TENM4: variants seen among roughly 807,000 people sequenced by gnomAD.
The protein encoded by TENM4 is teneurin transmembrane protein 4, also known as teneurin-4.
TENM4 carries 82 observed loss-of-function variants against 243.3 expected under a neutral mutation model. The observed-to-expected ratio is 0.34, with a 90% CI of 0.28 to 0.40. The LOEUF is 0.40. Ranked by LOEUF, TENM4 falls within the 10% of genes least tolerant of loss-of-function variation. The pLI is 1.00. For missense variants in TENM4, 3,138 were observed against 3,673.3 expected (o/e 0.85, Z 3.77); for synonymous variants, 1,412 against 1,456.3 (o/e 0.97, Z 0.69).
intron 8 of TENM4, 97 bp downstream of exon 8, chr11:78,891,134 TCACCTCC>T (rs1336071993): frequency 8.6e-6 from 9 of 1,044,118 alleles, no homozygotes; most frequent in Non-Finnish European, 1.3e-5. Context: ...GCCACATGGA[TCACCTCC>T]CCCAGAAGAT....
At chr11:78,963,733 T>C (rs1257340224) in intron 6 of TENM4, among the ~76,000 whole-genome samples, 3 of 440 alleles carry the variant, frequency 6.8e-3, no homozygotes, top group Non-Finnish European at 0.045. Flanking sequence ...TTCCATGACT[T>C]TTTTTTTTTT....
chr11:78,961,242 T>G (rs1229058615), intron 6 of TENM4, among the ~76,000 whole-genome samples: 1 of 152,222 alleles, frequency 6.6e-6, no homozygotes. Context: ...ATTTCCTCTC[T>G]TCTCCAAACA....
chr11:78,876,387 T>C (rs1412601818), intron 9 of TENM4, among the ~76,000 whole-genome samples: 1 of 152,214 alleles, frequency 6.6e-6, no homozygotes, highest in Non-Finnish European at 1.5e-5. Context: ...ATAGGTAAAA[T>C]GCACAAATGG....
intron 12 of TENM4, among the ~76,000 whole-genome samples, chr11:78,828,171 C>T (rs1857899935): frequency 6.6e-6 from 1 of 152,242 alleles, no homozygotes; most frequent in Non-Finnish European, 1.5e-5. Flanking sequence ...GGAGAATGCA[C>T]TGCTTACTTC....
intron 7 of TENM4, 88 bp from the exon 8 acceptor site, chr11:78,891,424 T>C: frequency 8.4e-7 from 1 of 1,191,566 alleles, no homozygotes; most frequent in Non-Finnish European, 1.2e-6. Context: ...GGCTGTTTGG[T>C]GCAGCTGTGT....
chr11:78,692,109 C>G (rs1858842477), intron 28 of TENM4, among the ~76,000 whole-genome samples: 1 of 152,206 alleles, frequency 6.6e-6, no homozygotes, highest in South Asian at 2.1e-4. Context: ...GTGGCTGCCT[C>G]AAGTCCCGGC....
chr11:78,828,313 C>T (rs1017718287), intron 12 of TENM4, among the ~76,000 whole-genome samples: 1 of 152,210 alleles, frequency 6.6e-6, no homozygotes, highest in African/African-American at 2.4e-5. Flanking sequence ...TCTCCCAAAA[C>T]AGCACTAACC....
intron 18 of TENM4, among the ~76,000 whole-genome samples, chr11:78,767,693 G>A (rs139544433): frequency 2.0e-5 from 3 of 152,150 alleles, no homozygotes; most frequent in Non-Finnish European, 4.4e-5. Flanking sequence ...TCTTCTCCAA[G>A]ACTTGAGTCA....
At chr11:79,041,992 G>T (rs1166923817) in intron 6 of TENM4, among the ~76,000 whole-genome samples, 1 of 152,158 alleles carries the variant, frequency 6.6e-6, no homozygotes, top group Non-Finnish European at 1.5e-5. Context: ...CCTTAGGAAG[G>T]TGATCAGCAG....
rs527857070 is a variant in TENM4, at chr11:78,658,165, G to C, written c.8203C>G (p.Gln2735Glu). 1.1e-5 allele frequency: 18 copies of C among 1,614,018 alleles called. No individual in the cohort carries two copies. The East Asian group carries it at 1.6e-4, about 14-fold the overall frequency. The change falls in exon 34 of 34, where the codon CAA becomes GAA. Residue 2735 changes from glutamine (Q) to glutamate (E), a missense_variant. Around this residue, in one of 2 missense-constraint regions of TENM4, gnomAD observed 2,467 missense variants for 3,059.1 expected, o/e 0.81. Transcript: ENST00000278550. ...ATCACGAAAAAGCCGTCGTAGCCTT[G>C]CACCCGCCCTGTGCTCAGCACCTGC... ...KQQVLSTGRV[Q>E]GYDGFFVISV...
intron 4 of TENM4, among the ~76,000 whole-genome samples, chr11:79,130,001 C>T (rs1031507156): frequency 6.6e-6 from 1 of 152,146 alleles, no homozygotes; most frequent in Non-Finnish European, 1.5e-5. Flanking sequence ...CCTGCCACCT[C>T]CACTGGAACA....
intron 6 of TENM4, among the ~76,000 whole-genome samples, chr11:78,963,302 G>A (rs895047437): frequency 1.3e-5 from 2 of 152,200 alleles, no homozygotes; most frequent in African/African-American, 4.8e-5. Flanking sequence ...TTCAGAAGGA[G>A]GAGGCGATGG....
rs139892786 is a variant in TENM4 at position 78,776,247 on chromosome 11, G to A, written c.2392+2355C>T. Reference sequence around the variant, plus strand: ...ATCTTGCTTTTAAAAACCTTCAGACGCTTTCTTATACCCTCATGTTAAATT... The same window carrying A: ...ATCTTGCTTTTAAAAACCTTCAGACACTTTCTTATACCCTCATGTTAAATT... On this transcript the variant is annotated intron_variant, in intron 17 of 33. Transcript: ENST00000278550. Among the ~76,000 whole-genome samples, 11 of 152,224 alleles carry A rather than the reference G, an allele frequency of 7.2e-5. 1 individual carries two copies. The East Asian group carries it at 1.9e-3, about 27-fold the overall frequency.
intron 1 of TENM4, among the ~76,000 whole-genome samples, chr11:79,315,035 G>T (rs1451372697): frequency 1.3e-5 from 2 of 152,180 alleles, no homozygotes; most frequent in Non-Finnish European, 2.9e-5. Flanking sequence ...ATGCACAGAG[G>T]GTGGTAGGAA....
intron 9 of TENM4, among the ~76,000 whole-genome samples, chr11:78,887,144 G>A (rs1235254309): frequency 1.3e-5 from 2 of 152,198 alleles, no homozygotes; most frequent in Non-Finnish European, 2.9e-5. Flanking sequence ...ACAATCTGAT[G>A]AAACACTTCT....
At chr11:78,705,319 TAG>T (rs1291361051) in intron 27 of TENM4, among the ~76,000 whole-genome samples, 2 of 152,130 alleles carry the variant, frequency 1.3e-5, no homozygotes, top group African/African-American at 4.8e-5. Context: ...GGAAGGAATG[TAG>T]AGCAAGTGCT....
chr11:78,742,416 C>G (rs78555168), intron 19 of TENM4, among the ~76,000 whole-genome samples: 2 of 152,142 alleles, frequency 1.3e-5, no homozygotes, highest in African/African-American at 4.8e-5. Flanking sequence ...AAAAATCAGG[C>G]GCCTACTATG....
rs368848958 is a variant in TENM4 at position 78,712,507 on chromosome 11, T to C, written c.4029A>G (p.Thr1343=). 1.2e-6 allele frequency: 2 copies of C among 1,614,014 alleles called. No individual in the cohort carries two copies. The highest frequency in any genetic ancestry group is 2.2e-5 in the East Asian group (1 of 44,890). ...CCCTGGGATTGGTGAGTGTGGCTTC[T>C]GTGGCCTTCCCACCATCCCCGCAGC... ...DTRCGDGGKA[T]EATLTNPRGI... is the part of the protein sequence containing the mutation. Residue 1343 remains threonine (T), a synonymous_variant, in exon 26 of 34, where the codon ACA becomes ACG. Coordinates refer to ENST00000278550, the MANE Select transcript of TENM4 (RefSeq NM_001098816.3).
chr11:79,269,580 C>A (rs1205170449), intron 2 of TENM4: 1 of 152,408 alleles, frequency 6.6e-6, no homozygotes, highest in East Asian at 1.9e-4. Context: ...GAGGCTGCAC[C>A]CCTACCTGGG....
Sources: allele counts gnomAD v4.1 joint callset (sites outside exome capture counted in the v4.1 genomes callset), GRCh38; gene constraint gnomAD v4.1.1; regional missense constraint gnomAD v4.1.1; transcripts MANE v1.5; gene names NCBI Gene and HGNC (gene_info 2026-07-23, HGNC 2026-07-21).